Variants in DSCAM observed in about 807,000 individuals in gnomAD.
DSCAM encodes DS cell adhesion molecule.
In DSCAM, 47 loss-of-function variants were observed where a neutral mutation model predicts 217.7. That is an observed-to-expected ratio of 0.22 (90% CI 0.17 to 0.28). The LOEUF (loss-of-function observed/expected upper bound fraction) is 0.28. Among genes scored for constraint, DSCAM ranks in the 10% least tolerant of loss-of-function variants. The probability of loss-of-function intolerance (pLI) is 1.00; values close to 1 mark genes in which losing one functional copy is unlikely to be tolerated. For missense variants in DSCAM, 2,080 were observed against 2,618.3 expected, an observed-to-expected ratio of 0.79 and a Z score of 4.49; for synonymous variants, 1,056 against 1,015.3, an observed-to-expected ratio of 1.04 and a Z score of -0.76.
chr21:40,620,082 AAGAAAGAGAG>A lies in DSCAM; in HGVS notation c.508+72718_508+72727del, dbSNP rs201570072. Among the ~76,000 whole-genome samples, 643 of 84,940 alleles carry A rather than the reference AAGAAAGAGAG, an allele frequency of 7.6e-3. 46 individuals are homozygous for A. The highest frequency in any genetic ancestry group is 0.05 in the South Asian group (105 of 2,108). The allele number at this position is 84,940 out of a possible 152,430, so 55.7% of individuals were successfully genotyped here. A position where few individuals can be genotyped will look rare whatever the true frequency, so the allele number is the denominator to read the frequency against. On this transcript the variant is annotated intron_variant, in intron 3 of 32. Transcript: ENST00000400454. ...AAGAAAGAAAGAGAGAAAGAGAAAAAAGAAAGAGAGAGAAAGAGAGAGAAAAAAGAAAAAG... is the reference window on the plus strand; with the variant it reads ...AAGAAAGAAAGAGAGAAAGAGAAAAAAGAAAGAGAGAGAAAAAAGAAAAAG...
intron 11 of DSCAM, among the ~76,000 whole-genome samples, chr21:40,195,642 C>A (rs969045019): frequency 2.0e-5 from 3 of 152,058 alleles, no homozygotes; most frequent in African/African-American, 7.2e-5. Flanking sequence ...TTTCTCAGTC[C>A]CTCCAGGCAT....
At chr21:40,112,099 T>G (rs1470378900) in intron 20 of DSCAM, among the ~76,000 whole-genome samples, 2 of 149,428 alleles carry the variant, frequency 1.3e-5, no homozygotes, top group African/African-American at 4.9e-5. Context: ...CCACCCCAAA[T>G]CAACAGAATA....
At chr21:40,436,117 C>T (rs1211859398) in intron 3 of DSCAM, among the ~76,000 whole-genome samples, 1 of 152,168 alleles carries the variant, frequency 6.6e-6, no homozygotes, top group Admixed American at 6.5e-5. Flanking sequence ...AAGATATTTT[C>T]AATTTAGGAT....
chr21:40,705,942 A>T (rs2090711205), intron 2 of DSCAM, among the ~76,000 whole-genome samples: 1 of 152,150 alleles, frequency 6.6e-6, no homozygotes, highest in Non-Finnish European at 1.5e-5. Flanking sequence ...GCACTTTGGG[A>T]GGCCGAGGTG....
chr21:40,470,475 C>G (rs1335151242), intron 3 of DSCAM, among the ~76,000 whole-genome samples: 2 of 152,368 alleles, frequency 1.3e-5, no homozygotes, highest in East Asian at 3.9e-4. Flanking sequence ...TTTCTGCCCT[C>G]TCTTCTCCAG....
intron 21 of DSCAM, among the ~76,000 whole-genome samples, chr21:40,092,565 C>T (rs1450222254): frequency 6.6e-6 from 1 of 152,214 alleles, no homozygotes; most frequent in East Asian, 1.9e-4. Flanking sequence ...ACTAGCCAGG[C>T]CTTTCTGGCT....
chr21:40,528,703 C>T (rs1314710559), intron 3 of DSCAM, among the ~76,000 whole-genome samples: 1 of 152,226 alleles, frequency 6.6e-6, no homozygotes, highest in East Asian at 1.9e-4. Flanking sequence ...TACTCCTCCA[C>T]TGCCAGGTAC....
chr21:40,692,965 C>G lies in DSCAM; in HGVS notation c.362-9G>C. 1.9e-6 allele frequency: 3 copies of G among 1,598,448 alleles called. No individual in the cohort carries two copies. Among genetic ancestry groups the G allele is most frequent in the Non-Finnish European group, 2.6e-6 (3 of 1,167,210 alleles). On this transcript the variant is annotated splice_polypyrimidine_tract_variant and intron_variant, in intron 2 of 32. Transcript: ENST00000400454. ...ATAGGGCTCCCGTAAAACTGGAAGG[C>G]AGAAAGAGGACGTCAGTAAGGCACA...
chr21:40,039,174 G>T (rs1267028499), intron 32 of DSCAM, among the ~76,000 whole-genome samples: 1 of 98,674 alleles, frequency 1.0e-5, no homozygotes, highest in Non-Finnish European at 2.4e-5. Flanking sequence ...TAATAATAAA[G>T]AAAAGAAAAG....
rs188931921 is a variant in DSCAM at position 40,561,670 on chromosome 21, C to A, written c.508+131140G>T. On this transcript the variant is annotated intron_variant, in intron 3 of 32. Transcript: ENST00000400454. ...AAAATGAGACGGTTTTCTTATCTTT[C>A]TCTTTCCTTTTTTGTTTCAATCTTA... 5.5e-3 allele frequency among the ~76,000 whole-genome samples: 833 copies of A among 152,228 alleles called. 9 individuals carry two copies. The highest frequency in any genetic ancestry group is 0.019 in the African/African-American group (789 of 41,526).
chr21:40,127,650 C>T (rs900663403), intron 19 of DSCAM, among the ~76,000 whole-genome samples: 7 of 152,166 alleles, frequency 4.6e-5, no homozygotes, highest in East Asian at 1.9e-4. Flanking sequence ...CACCTTAGAC[C>T]GACATAGTCA....
intron 4 of DSCAM, 134 bp downstream of exon 4, chr21:40,368,965 A>C: frequency 7.8e-6 from 8 of 1,027,714 alleles, no homozygotes; most frequent in Non-Finnish European, 1.1e-5. Context: ...GAGTTTTAAA[A>C]TTCCTAAAAT....
chr21:40,810,913 A>AT (rs1202082308), intron 1 of DSCAM, among the ~76,000 whole-genome samples: 1 of 148,878 alleles, frequency 6.7e-6, no homozygotes, highest in East Asian at 1.9e-4. Flanking sequence ...TCTAAAAAAA[A>AT]TGCTATAGTT....
intron 3 of DSCAM, among the ~76,000 whole-genome samples, chr21:40,649,983 T>A (rs2089993508): frequency 1.3e-5 from 2 of 152,048 alleles, no homozygotes; most frequent in Non-Finnish European, 2.9e-5. Flanking sequence ...TGCTCCACAC[T>A]CTCTGTGAGA....
intron 25 of DSCAM, 62 bp from the exon 26 acceptor site, chr21:40,079,039 C>T: frequency 1.3e-6 from 2 of 1,561,538 alleles, no homozygotes; most frequent in African/African-American, 1.4e-5. Flanking sequence ...TCAGCATCTT[C>T]ACGCATTTCC....
chr21:40,125,047 C>G (rs935489048), intron 19 of DSCAM, among the ~76,000 whole-genome samples: 2 of 152,192 alleles, frequency 1.3e-5, no homozygotes, highest in African/African-American at 4.8e-5. Flanking sequence ...CCTCAGCCAT[C>G]AGAGACCCCA....
chr21:40,604,555 G>A (rs965236848), intron 3 of DSCAM, among the ~76,000 whole-genome samples: 34 of 152,194 alleles, frequency 2.2e-4, no homozygotes, highest in African/African-American at 8.2e-4. Flanking sequence ...CTTTTAGCAT[G>A]AGGTTTTACA....
intron 1 of DSCAM, among the ~76,000 whole-genome samples, chr21:40,709,739 T>C (rs757679773): frequency 2.6e-5 from 4 of 152,236 alleles, no homozygotes; most frequent in Non-Finnish European, 4.4e-5. Context: ...CAGTCTATCA[T>C]TGATGGGCAT....
intron 32 of DSCAM, among the ~76,000 whole-genome samples, chr21:40,023,666 CT>C (rs1208308032): frequency 1.1e-5 from 1 of 93,092 alleles, no homozygotes; most frequent in African/African-American, 4.3e-5. Flanking sequence ...TAAATGTCTT[CT>C]TTTGAGAAGT....
Sources: allele counts gnomAD v4.1 joint callset (sites outside exome capture counted in the v4.1 genomes callset), GRCh38; gene constraint gnomAD v4.1.1; transcripts MANE v1.5; gene names NCBI Gene and HGNC (gene_info 2026-07-23, HGNC 2026-07-21).